Variants in UBR2 observed in about 807,000 individuals in gnomAD.
UBR2 encodes the protein E3 ubiquitin-protein ligase UBR2.
UBR2 carries 92 observed loss-of-function variants against 247.9 expected under a neutral mutation model. The observed-to-expected ratio is 0.37, with a 90% CI of 0.31 to 0.44. The LOEUF is 0.44. UBR2 is among the 20% of genes least tolerant of loss of function. The pLI is 1.00. For missense variants in UBR2, 1,613 were observed against 2,112.6 expected (o/e 0.76, Z 4.64); for synonymous variants, 672 against 693.5 (o/e 0.97, Z 0.49).
intron 2 of UBR2, among the ~76,000 whole-genome samples, chr6:42,587,554 C>T (rs1792375636): frequency 1.3e-5 from 2 of 152,168 alleles, no homozygotes; most frequent in South Asian, 4.2e-4. Context: ...GATGGGGTCT[C>T]ACCGTGTTGC....
At chr6:42,617,808 C>T (rs1204859223) in intron 11 of UBR2, among the ~76,000 whole-genome samples, 3 of 152,080 alleles carry the variant, frequency 2.0e-5, no homozygotes, top group Non-Finnish European at 2.9e-5. Flanking sequence ...CACATTAAGC[C>T]GATTGATTTC....
At chr6:42,617,682 A>G (rs535418749) in intron 11 of UBR2, among the ~76,000 whole-genome samples, 175 bp downstream of exon 11, 1 of 152,340 alleles carries the variant, frequency 6.6e-6, no homozygotes, top group Non-Finnish European at 1.5e-5. Context: ...TATCAAAGTC[A>G]TCTGGTAGGG....
intron 7 of UBR2, among the ~76,000 whole-genome samples, chr6:42,610,384 C>A (rs1174160263): frequency 6.6e-6 from 1 of 151,988 alleles, no homozygotes; most frequent in Non-Finnish European, 1.5e-5. Context: ...TATTTTACAC[C>A]CCCGTTCAAG....
chr6:42,633,006 G>A, intron 13 of UBR2, 102 bp downstream of exon 13: 1 of 752,934 alleles, frequency 1.3e-6, no homozygotes, highest in Non-Finnish European at 1.9e-6. Context: ...AGAGATGGGG[G>A]TCTCACTGTG....
At chr6:42,645,437 A>G in intron 20 of UBR2, 29 bp from the exon 21 acceptor site, 3 of 1,597,492 alleles carry the variant, frequency 1.9e-6, no homozygotes, top group African/African-American at 1.3e-5. Flanking sequence ...TGTTAAATGT[A>G]TGTATATGTA....
intron 1 of UBR2, among the ~76,000 whole-genome samples, chr6:42,568,781 G>A (rs1790936308): frequency 6.6e-6 from 1 of 152,146 alleles, no homozygotes; most frequent in Admixed American, 6.6e-5. Flanking sequence ...CCATGTACAG[G>A]TTGAGTATTG....
At chr6:42,627,280 A>G (rs1253658251) in intron 11 of UBR2, among the ~76,000 whole-genome samples, 1 of 152,148 alleles carries the variant, frequency 6.6e-6, no homozygotes, top group Non-Finnish European at 1.5e-5. Context: ...AGGGTCTGAA[A>G]AATACCTCAA....
chr6:42,655,478 T>C, intron 25 of UBR2, 143 bp from the exon 26 acceptor site: 1 of 503,362 alleles, frequency 2.0e-6, no homozygotes, highest in African/African-American at 2.0e-5. Flanking sequence ...AAAAAAAAAT[T>C]AGTACTTCAA....
chr6:42,663,111 C>T (rs1797914302), intron 31 of UBR2, 147 bp from the exon 32 acceptor site: 1 of 646,268 alleles, frequency 1.5e-6, no homozygotes. Context: ...TTTAAAATCA[C>T]TCAAAAATCA....
intron 36 of UBR2, 94 bp downstream of exon 36, chr6:42,670,809 C>G: frequency 1.1e-6 from 1 of 875,766 alleles, no homozygotes; most frequent in Non-Finnish European, 1.8e-6. Flanking sequence ...TAGTTACTTA[C>G]ACCTTCACTT....
chr6:42,574,102 T>A, intron 2 of UBR2, 109 bp downstream of exon 2: 1 of 1,066,158 alleles, frequency 9.4e-7, no homozygotes, highest in Non-Finnish European at 1.3e-6. Context: ...CATATCTGCT[T>A]AAAAATCTGT....
intron 46 of UBR2, 107 bp from the exon 47 acceptor site, chr6:42,690,925 G>T (rs1483028663): frequency 1.5e-6 from 2 of 1,371,196 alleles, no homozygotes; most frequent in African/African-American, 1.5e-5. Flanking sequence ...ATGTTGCAGG[G>T]AGTCTAAAAC....
Position 42,564,155 on chromosome 6 carries a change from T to G in UBR2, c.-165T>G. ...GCGCAGGAGGCCGCTGTCCTTCCTT[T>G]CCGGTTCACGTCACCCTTCTCTCCC... On this transcript the variant is annotated 5_prime_UTR_variant, in exon 1 of 47. Coordinates refer to ENST00000372901, the MANE Select transcript of UBR2 (RefSeq NM_001363705.2). 1.4e-6 allele frequency: 1 copy of G among 735,050 alleles called. No homozygotes were observed. Among genetic ancestry groups the G allele is most frequent in the Non-Finnish European group, 2.2e-6 (1 of 461,876 alleles). 45.5% of individuals were successfully genotyped at this position (735,050 alleles called of 1,614,324 possible). A position where few individuals can be genotyped will look rare whatever the true frequency, so the allele number is the denominator to read the frequency against.
intron 44 of UBR2, among the ~76,000 whole-genome samples, chr6:42,686,515 C>G (rs1396875159): frequency 6.6e-6 from 1 of 152,168 alleles, no homozygotes; most frequent in Admixed American, 6.5e-5. Flanking sequence ...ATCTCTCTTT[C>G]TTTTCCCCAC....
At chr6:42,569,206 G>A (rs1790964922) in intron 1 of UBR2, among the ~76,000 whole-genome samples, 2 of 152,124 alleles carry the variant, frequency 1.3e-5, no homozygotes, top group South Asian at 4.1e-4. Context: ...GAAATTGGTG[G>A]GTCATATGTT....
At chr6:42,687,068 C>G (rs1274458614) in intron 44 of UBR2, among the ~76,000 whole-genome samples, 3 of 152,166 alleles carry the variant, frequency 2.0e-5, no homozygotes, top group Non-Finnish European at 2.9e-5. Flanking sequence ...ACGCTCGTCA[C>G]TTCCTAGACG....
At chr6:42,598,948 T>A (rs1050271756) in intron 4 of UBR2, among the ~76,000 whole-genome samples, 1 of 152,106 alleles carries the variant, frequency 6.6e-6, no homozygotes, top group Non-Finnish European at 1.5e-5. Flanking sequence ...TTTAAAAAAA[T>A]TATTTTATTT....
chr6:42,571,499 T>C (rs1011807908), intron 1 of UBR2, among the ~76,000 whole-genome samples: 6 of 152,024 alleles, frequency 3.9e-5, no homozygotes, highest in Non-Finnish European at 7.4e-5. Context: ...CCTAGCACCT[T>C]TGGGAGGCCG....
intron 7 of UBR2, 25 bp from the exon 8 acceptor site, chr6:42,612,146 T>G (rs968641312): frequency 2.0e-6 from 3 of 1,486,696 alleles, no homozygotes; most frequent in Non-Finnish European, 2.7e-6. Flanking sequence ...AAGTTAATTT[T>G]TAAATCTTGC....
Sources: allele counts gnomAD v4.1 joint callset (sites outside exome capture counted in the v4.1 genomes callset), GRCh38; gene constraint gnomAD v4.1.1; transcripts MANE v1.5; gene names NCBI Gene and HGNC (gene_info 2026-07-23, HGNC 2026-07-21).